Variants in COLGALT1 observed in about 807,000 individuals in gnomAD.
The protein encoded by COLGALT1 is procollagen galactosyltransferase 1.
A neutral mutation model predicts 60.8 loss-of-function variants in COLGALT1; 43 were observed. The ratio of observed to expected loss-of-function variants is 0.71; its 90% CI spans 0.55 to 0.91. The LOEUF (loss-of-function observed/expected upper bound fraction) is 0.91, where lower values mean the gene tolerates loss of function less well. COLGALT1 is among the 40% of genes least tolerant of loss of function. COLGALT1 has a pLI of 0.00. For synonymous variants in COLGALT1, 369 were observed against 374.2 expected (o/e 0.99, Z 0.16); for missense variants, 845 against 880.0 (o/e 0.96, Z 0.50).
At chr19:17,558,420 G>A (rs1052361086) in intron 1 of COLGALT1, among the ~76,000 whole-genome samples, 1 of 149,434 alleles carries the variant, frequency 6.7e-6, no homozygotes, top group Non-Finnish European at 1.5e-5. Context: ...GCTCATTCCT[G>A]TCATCCCAGC....
At chr19:17,578,281 T>G (rs1325425520) in intron 9 of COLGALT1, among the ~76,000 whole-genome samples, 192 bp downstream of exon 9, 1 of 152,098 alleles carries the variant, frequency 6.6e-6, no homozygotes, top group African/African-American at 2.4e-5. Context: ...CCTGCCATCC[T>G]TCCATTGCGC....
At chr19:17,562,008 T>G (rs1423188189) in intron 3 of COLGALT1, among the ~76,000 whole-genome samples, 1 of 152,094 alleles carries the variant, frequency 6.6e-6, no homozygotes, top group African/African-American at 2.4e-5. Flanking sequence ...GTAGCTGGGA[T>G]TACAGGCCCC....
At chr19:17,560,999 G>A (rs186355417) in intron 3 of COLGALT1, among the ~76,000 whole-genome samples, 68 of 152,050 alleles carry the variant, frequency 4.5e-4, no homozygotes, top group Middle Eastern at 3.4e-3. Flanking sequence ...GAGGTCAGGA[G>A]GTCGAGACCA....
In COLGALT1 at chr19:17,581,517, C is replaced by T. The variant is rs1432506584; in HGVS notation, c.*73C>T. 2 of 1,513,302 alleles carry T rather than the reference C, an allele frequency of 1.3e-6. No homozygotes were observed. Among genetic ancestry groups the T allele is most frequent in the African/African-American group, 1.4e-5 (1 of 72,474 alleles). The allele number at this position is 1,513,302 out of a possible 1,614,324, so 93.7% of individuals were successfully genotyped here. A position where few individuals can be genotyped will look rare whatever the true frequency, so the allele number is the denominator to read the frequency against. ...ACGTGCTTACTGAGGACATCAGGTCCACCTCTGGACCCCTTGGCAGGCCAC... is the reference window on the plus strand; with the variant it reads ...ACGTGCTTACTGAGGACATCAGGTCTACCTCTGGACCCCTTGGCAGGCCAC... On this transcript the variant is annotated 3_prime_UTR_variant, in exon 12 of 12. Coordinates refer to ENST00000252599, the MANE Select transcript of COLGALT1 (RefSeq NM_024656.4).
rs972534971 is a variant in COLGALT1, at chr19:17,580,544, G to T, written c.1395-155G>T. ...TCCCCCATGACCGCCAGACCCCTGG[G>T]CTCCTGCATTCACTCCATCCAGTCA... On this transcript the variant is annotated intron_variant, in intron 10 of 11. Transcript: ENST00000252599. 38 of 694,828 alleles carry T rather than the reference G, an allele frequency of 5.5e-5. No homozygotes were observed. In the East Asian group the frequency reaches 1.0e-3, roughly 18 times the overall value. 43.0% of individuals were successfully genotyped at this position (694,828 alleles called of 1,614,324 possible).
intron 3 of COLGALT1, among the ~76,000 whole-genome samples, chr19:17,564,293 GTATACATA>G (rs145565943): frequency 0.11 from 16,379 of 150,052 alleles, 960 homozygotes; most frequent in East Asian, 0.25. Context: ...GTGCGTGTGT[GTATACATA>G]TATACATATA....
In COLGALT1 at chr19:17,580,724, G is replaced by T. The variant is rs759245476; in HGVS notation, c.1420G>T (p.Val474Leu). 1.2e-6 allele frequency: 2 copies of T among 1,614,044 alleles called. No individual in the cohort carries two copies. Among genetic ancestry groups the T allele is most frequent in the South Asian group, 2.2e-5 (2 of 91,078 alleles). ...CTATGTGGGCCGGAAGCGGATGCAGGTGGAGCACCCCGAGAAGGCTGTGCC... is the reference window on the plus strand; with the variant it reads ...CTATGTGGGCCGGAAGCGGATGCAGTTGGAGCACCCCGAGAAGGCTGTGCC... ...LIYVGRKRMQVEHPEKAVPRV... is the reference protein window; with the variant it reads ...LIYVGRKRMQLEHPEKAVPRV... Residue 474 changes from valine (V) to leucine (L), a missense_variant, in exon 11 of 12, where the codon GTG (valine) becomes TTG (leucine). Physicochemically the swap from Val to Leu is conservative, Grantham distance 32. Coordinates refer to ENST00000252599, the MANE Select transcript of COLGALT1 (RefSeq NM_024656.4).
chr19:17,577,170 A>G, intron 6 of COLGALT1, 25 bp from the exon 7 acceptor site: 10 of 1,608,366 alleles, frequency 6.2e-6, no homozygotes, highest in Non-Finnish European at 7.6e-6. Flanking sequence ...TACCCCAGCG[A>G]CTCCTCAACG....
At chr19:17,576,687 G>C (rs1332954478) in intron 6 of COLGALT1, among the ~76,000 whole-genome samples, 1 of 149,992 alleles carries the variant, frequency 6.7e-6, no homozygotes, top group Non-Finnish European at 1.5e-5. Flanking sequence ...GGGCTGGGGG[G>C]GTGCAGGGTG....
intron 5 of COLGALT1, 26 bp downstream of exon 5, chr19:17,568,739 G>A (rs767202419): frequency 4.0e-5 from 64 of 1,610,554 alleles, no homozygotes; most frequent in South Asian, 3.7e-4. Flanking sequence ...GTCTGCCATC[G>A]CAGGGGCATC....
At chr19:17,568,862 A>G (rs2076295758) in intron 5 of COLGALT1, 149 bp downstream of exon 5, 1 of 750,228 alleles carries the variant, frequency 1.3e-6, no homozygotes, top group Admixed American at 2.4e-5. Context: ...CTAGGTGTTC[A>G]GATAATGTCT....
intron 5 of COLGALT1, among the ~76,000 whole-genome samples, chr19:17,569,800 A>G (rs2076301145): frequency 6.6e-6 from 1 of 152,084 alleles, no homozygotes; most frequent in Non-Finnish European, 1.5e-5. Context: ...CAAATATTTA[A>G]AGAGACAGCA....
intron 6 of COLGALT1, among the ~76,000 whole-genome samples, chr19:17,574,447 C>T (rs1432598184): frequency 6.6e-6 from 1 of 151,878 alleles, no homozygotes; most frequent in Non-Finnish European, 1.5e-5. Flanking sequence ...TCCCCTGCCT[C>T]AGCCTCCCGA....
intron 5 of COLGALT1, among the ~76,000 whole-genome samples, chr19:17,570,693 G>A (rs1041301505): frequency 3.3e-5 from 5 of 152,012 alleles, no homozygotes; most frequent in African/African-American, 7.2e-5. Context: ...AGCCTCCCTA[G>A]TAGCTGGGAC....
At chr19:17,574,692 C>T (rs2076331245) in intron 6 of COLGALT1, among the ~76,000 whole-genome samples, 3 of 152,024 alleles carry the variant, frequency 2.0e-5, no homozygotes, top group African/African-American at 2.4e-5. Flanking sequence ...CTGGGGCAGG[C>T]CCCCCACAAC....
At chr19:17,564,711 CT>C (rs1230240044) in intron 3 of COLGALT1, among the ~76,000 whole-genome samples, 4 of 152,274 alleles carry the variant, frequency 2.6e-5, no homozygotes, top group East Asian at 1.9e-4. Context: ...GCCACCGCCC[CT>C]GGCCAGCATC....
At chr19:17,561,592 A>C (rs999557523) in intron 3 of COLGALT1, among the ~76,000 whole-genome samples, 1 of 131,012 alleles carries the variant, frequency 7.6e-6, no homozygotes, top group Admixed American at 8.9e-5. Context: ...AGATCACGCC[A>C]CTGCACTCCA....
Position 17,568,648 on chromosome 19 carries a change from C to T in COLGALT1, c.764C>T (p.Pro255Leu). The T allele has an allele frequency of 6.2e-7, 1 of 1,614,220 alleles. No homozygotes were observed. Among genetic ancestry groups the T allele is most frequent in the Non-Finnish European group, 8.5e-7 (1 of 1,180,034 alleles). ...TCCAGGAACCTGGCCTTCTACCCAC[C>T]TCACCCTGACTACACCTGGTCCTTT... Reference protein sequence around the residue: ...AASRNLAFYPPHPDYTWSFDD... With the variant: ...AASRNLAFYPLHPDYTWSFDD... Residue 255 changes from proline to leucine, a missense_variant, in exon 5 of 12, where the codon CCT (proline) becomes CTT (leucine). Pro to Leu is a moderately conservative substitution (Grantham distance 98). Coordinates refer to ENST00000252599, the MANE Select transcript of COLGALT1 (RefSeq NM_024656.4).
intron 10 of COLGALT1, 133 bp downstream of exon 10, chr19:17,579,742 G>T: frequency 8.2e-7 from 1 of 1,223,836 alleles, no homozygotes; most frequent in Non-Finnish European, 1.1e-6. Context: ...TGAAGGTGGG[G>T]TGGAACTGGA....
Sources: gnomAD v4.1 joint callset for allele counts (sites outside exome capture counted in the v4.1 genomes callset) on GRCh38, gnomAD v4.1.1 for gene constraint, MANE v1.5 for transcripts, NCBI Gene and HGNC (gene_info 2026-07-23, HGNC 2026-07-21) for gene names.